The following ZNF420 variants were observed in gnomAD, a reference collection of about 807,000 sequenced individuals.
ZNF420 encodes the protein zinc finger protein 420, also known as ATM and p53-associated KZNF protein.
In ZNF420, 31 loss-of-function variants were observed where a neutral mutation model predicts 44.7. The observed-to-expected ratio is 0.69, with a 90% CI of 0.52 to 0.94. The LOEUF (loss-of-function observed/expected upper bound fraction) is 0.94, where lower values mean the gene tolerates loss of function less well. ZNF420 is among the 40% of genes least tolerant of loss of function. The probability of loss-of-function intolerance (pLI) is 0.00; values close to 1 mark genes in which losing one functional copy is unlikely to be tolerated. For missense variants in ZNF420, 681 were observed against 827.9 expected (o/e 0.82, Z 2.18); for synonymous variants, 245 against 267.4 (o/e 0.92, Z 0.82).
chr19:37,092,069 C>A (rs1304945169), intron 4 of ZNF420: 1 of 151,914 alleles, frequency 6.6e-6, no homozygotes, highest in Non-Finnish European at 1.5e-5. Context: ...TTATATGAAA[C>A]AAAATCCGTA....
At position 37,130,027 on chromosome 19, in the gene ZNF420, A is replaced by C. The variant is rs2145373603; in HGVS notation, c.*969A>C. On this transcript the variant is annotated 3_prime_UTR_variant, in exon 5 of 5. Transcript: ENST00000337995. Reference sequence around the variant, plus strand: ...TTTTTAGTAACAAATTTCTGGGCTGAAAATCTCAGCCTTCCTTGCAGGTCA... The same window carrying C: ...TTTTTAGTAACAAATTTCTGGGCTGCAAATCTCAGCCTTCCTTGCAGGTCA... 1 of 1,530,960 alleles carries C rather than the reference A, an allele frequency of 6.5e-7. No individual in the cohort carries two copies. The highest frequency in any genetic ancestry group is 1.2e-5 in the South Asian group (1 of 81,238). 94.8% of individuals were successfully genotyped at this position (1,530,960 alleles called of 1,614,324 possible). A position where few individuals can be genotyped will look rare whatever the true frequency, so the allele number is the denominator to read the frequency against.
intron 2 of ZNF420, among the ~76,000 whole-genome samples, chr19:37,087,527 G>C (rs1968885631): frequency 6.6e-6 from 1 of 152,088 alleles, no homozygotes; most frequent in South Asian, 2.1e-4. Context: ...AAAATGTATT[G>C]AGCACCTGTA....
chr19:37,090,693 G>A (rs1568449354), intron 3 of ZNF420, among the ~76,000 whole-genome samples: 2 of 151,958 alleles, frequency 1.3e-5, no homozygotes, highest in Admixed American at 6.6e-5. Flanking sequence ...AGGCCTAGTC[G>A]GGTGAATCAC....
chr19:37,106,941 T>C (rs1325194621), intron 4 of ZNF420: 1 of 152,116 alleles, frequency 6.6e-6, no homozygotes, highest in East Asian at 1.9e-4. Context: ...TGCCTTGATG[T>C]GCACGTGTAC....
At chr19:37,106,283 T>G (rs1241918632) in intron 4 of ZNF420, among the ~76,000 whole-genome samples, 1 of 152,222 alleles carries the variant, frequency 6.6e-6, no homozygotes, top group East Asian at 1.9e-4. Context: ...TCATGTGGTT[T>G]TGTCTTTGGT....
At chr19:37,117,836 C>T (rs1357338197) in intron 4 of ZNF420, among the ~76,000 whole-genome samples, 1 of 152,138 alleles carries the variant, frequency 6.6e-6, no homozygotes, top group African/African-American at 2.4e-5. Flanking sequence ...GCAGAAGCCT[C>T]AGGAGCCGAC....
intron 1 of ZNF420, among the ~76,000 whole-genome samples, chr19:37,022,119 T>G (rs770112400): frequency 6.6e-6 from 1 of 151,692 alleles, no homozygotes; most frequent in African/African-American, 2.4e-5. Flanking sequence ...GATGGACTCA[T>G]GTATTTAGAT....
chr19:37,040,572 G>A (rs1433709147), intron 1 of ZNF420, among the ~76,000 whole-genome samples: 1 of 151,984 alleles, frequency 6.6e-6, no homozygotes, highest in Non-Finnish European at 1.5e-5. Flanking sequence ...TTTACATTAG[G>A]AACAAGGACA....
chr19:37,021,128 C>T (rs2074645362), intron 1 of ZNF420, among the ~76,000 whole-genome samples: 1 of 152,200 alleles, frequency 6.6e-6, no homozygotes, highest in Non-Finnish European at 1.5e-5. Context: ...AGTTGAGAAA[C>T]TCTTTCTGAA....
At chr19:37,099,770 C>T (rs1391048001) in intron 4 of ZNF420, among the ~76,000 whole-genome samples, 2 of 152,252 alleles carry the variant, frequency 1.3e-5, no homozygotes, top group African/African-American at 4.8e-5. Context: ...ACTACAGGCA[C>T]ATGCCACCAC....
At chr19:37,020,800 CTG>C (rs1173550935) in intron 1 of ZNF420, among the ~76,000 whole-genome samples, 5 of 152,208 alleles carry the variant, frequency 3.3e-5, no homozygotes, top group South Asian at 2.1e-4. Flanking sequence ...AAAATAAACA[CTG>C]TATTATTCCA....
At chr19:37,081,864 G>A (rs1337475216) in intron 2 of ZNF420, among the ~76,000 whole-genome samples, 1 of 151,508 alleles carries the variant, frequency 6.6e-6, no homozygotes, top group Non-Finnish European at 1.5e-5. Flanking sequence ...GTATTTTGAT[G>A]CTCTGTTATT....
At chr19:37,022,446 C>T (rs1005204801) in intron 1 of ZNF420, among the ~76,000 whole-genome samples, 2 of 152,078 alleles carry the variant, frequency 1.3e-5, no homozygotes, top group Non-Finnish European at 2.9e-5. Flanking sequence ...TTCACCTTGA[C>T]ATTCGAATGA....
chr19:37,100,357 G>T (rs1263976450), intron 4 of ZNF420, among the ~76,000 whole-genome samples: 1 of 151,826 alleles, frequency 6.6e-6, no homozygotes, highest in African/African-American at 2.4e-5. Context: ...GGTTACTATT[G>T]TTTTGTAGTA....
chr19:37,054,063 C>T (rs969819428), intron 1 of ZNF420, among the ~76,000 whole-genome samples: 63 of 152,310 alleles, frequency 4.1e-4, no homozygotes, highest in South Asian at 8.3e-4. Context: ...CAATGGCTGG[C>T]GCCCCTCCCC....
At chr19:37,086,560 C>T (rs150221868) in intron 2 of ZNF420, among the ~76,000 whole-genome samples, 2 of 152,256 alleles carry the variant, frequency 1.3e-5, no homozygotes, top group African/African-American at 2.4e-5. Flanking sequence ...TCTACTTGTT[C>T]TGTCAGTTAC....
At position 37,052,132 on chromosome 19, in the gene ZNF420, CTT is replaced by C. The variant is rs1353660197; in HGVS notation, c.-124-28210_-124-28209del. Among the ~76,000 whole-genome samples, 4 of 152,056 alleles carry C rather than the reference CTT, an allele frequency of 2.6e-5. No homozygotes were observed. The East Asian group carries it at 7.7e-4, about 29-fold the overall frequency. ...CATTATGTAATGGCCTTCTTTGTCT[CTT>C]TTGATCTTTGTTGGTTTAAAGTCTG... On this transcript the variant is annotated intron_variant, in intron 1 of 4. Coordinates refer to the ZNF420 transcript ENST00000587029.
At chr19:37,064,099 G>T (rs1967925869) in intron 1 of ZNF420, among the ~76,000 whole-genome samples, 1 of 152,156 alleles carries the variant, frequency 6.6e-6, no homozygotes, top group African/African-American at 2.4e-5. Flanking sequence ...CCTATCAGGG[G>T]CACATGATGA....
chr19:37,015,017 C>A (rs896805858), intron 1 of ZNF420, among the ~76,000 whole-genome samples: 1 of 152,242 alleles, frequency 6.6e-6, no homozygotes, highest in Non-Finnish European at 1.5e-5. Flanking sequence ...GACATACGGC[C>A]TGCCTATGTG....
Sources: allele counts gnomAD v4.1 joint callset (sites outside exome capture counted in the v4.1 genomes callset), GRCh38; gene constraint gnomAD v4.1.1; transcripts MANE v1.5; gene names NCBI Gene and HGNC (gene_info 2026-07-23, HGNC 2026-07-21).